NOX4: variants seen among roughly 807,000 people sequenced by gnomAD.
NOX4 encodes kidney oxidase-1.
In NOX4, 69 loss-of-function variants were observed where a neutral mutation model predicts 87.6. That is an observed-to-expected ratio of 0.79 (90% CI 0.65 to 0.96). NOX4 has a LOEUF of 0.96. NOX4 is among the 40% of genes least tolerant of loss of function. The pLI, the probability that NOX4 is intolerant of heterozygous loss-of-function variation, is 0.00. For synonymous variants in NOX4, 275 were observed against 238.2 expected (o/e 1.15, Z -1.42); for missense variants, 680 against 681.5 (o/e 1.00, Z 0.02).
chr11:89,486,735 T>C (rs916192189), intron 2 of NOX4, among the ~76,000 whole-genome samples: 4 of 149,752 alleles, frequency 2.7e-5, no homozygotes, highest in Non-Finnish European at 4.4e-5. Context: ...TATGTATATT[T>C]TTTTTATTTT....
At chr11:89,566,291 C>G in the NOX4 span, among the ~76,000 whole-genome samples, 6 of 152,116 alleles carry the variant, frequency 3.9e-5, no homozygotes, top group African/African-American at 1.4e-4. Flanking sequence ...GCTCCCCGCC[C>G]TTTGCCTCCC....
the NOX4 span, among the ~76,000 whole-genome samples, chr11:89,561,380 G>A: frequency 6.6e-6 from 1 of 151,816 alleles, no homozygotes; most frequent in African/African-American, 2.4e-5. Context: ...TCACCATTTG[G>A]TCAGAAAATT....
chr11:89,502,739 T>C (rs1418691643), upstream of NOX4, among the ~76,000 whole-genome samples: 1 of 152,076 alleles, frequency 6.6e-6, no homozygotes, highest in Non-Finnish European at 1.5e-5. Context: ...CATATTAACA[T>C]GCTAAATGTT....
At chr11:89,346,897 T>A (rs185703664) in intron 13 of NOX4, among the ~76,000 whole-genome samples, 1 of 152,144 alleles carries the variant, frequency 6.6e-6, no homozygotes, top group Non-Finnish European at 1.5e-5. Flanking sequence ...GGGGTTGGGA[T>A]CCACTACCTG....
chr11:89,536,202 A>AGT, the NOX4 span, among the ~76,000 whole-genome samples: 1 of 123,138 alleles, frequency 8.1e-6, no homozygotes, highest in Non-Finnish European at 1.6e-5. Context: ...GCTGGTGTGC[A>AGT]GTGGCGCGAT....
chr11:89,459,747 C>T (rs1234421806), intron 2 of NOX4, among the ~76,000 whole-genome samples: 1 of 152,104 alleles, frequency 6.6e-6, no homozygotes, highest in Non-Finnish European at 1.5e-5. Flanking sequence ...AGGTAATTTA[C>T]AGATTCACTG....
intron 3 of NOX4, among the ~76,000 whole-genome samples, chr11:89,450,348 T>C (rs954177749): frequency 6.6e-6 from 1 of 152,200 alleles, no homozygotes; most frequent in Admixed American, 6.5e-5. Flanking sequence ...AACATCAAAG[T>C]GATCTCAAGT....
the NOX4 span, among the ~76,000 whole-genome samples, chr11:89,568,106 G>A: frequency 6.6e-6 from 1 of 152,128 alleles, no homozygotes; most frequent in East Asian, 1.9e-4. Flanking sequence ...CACACCTTAT[G>A]GATAGAGCAT....
At chr11:89,552,048 C>T in the NOX4 span, among the ~76,000 whole-genome samples, 1 of 152,122 alleles carries the variant, frequency 6.6e-6, no homozygotes, top group African/African-American at 2.4e-5. Context: ...CTTATTTTTA[C>T]CATGAGTAAC....
chr11:89,523,586 T>A, the NOX4 span, among the ~76,000 whole-genome samples: 1 of 152,152 alleles, frequency 6.6e-6, no homozygotes, highest in Non-Finnish European at 1.5e-5. Context: ...AGAAATTGAA[T>A]TAAAAGAGAT....
chr11:89,476,050 C>T (rs927716879), intron 2 of NOX4, among the ~76,000 whole-genome samples: 2 of 152,152 alleles, frequency 1.3e-5, no homozygotes, highest in African/African-American at 4.8e-5. Context: ...CACTCATATT[C>T]CATCTCACAA....
the NOX4 span, among the ~76,000 whole-genome samples, chr11:89,582,835 T>A: frequency 2.0e-5 from 3 of 152,294 alleles, no homozygotes; most frequent in African/African-American, 7.2e-5. Flanking sequence ...TCAAACCTCC[T>A]TATCAGGACA....
At chr11:89,427,248 C>T (rs319043) in intron 7 of NOX4, among the ~76,000 whole-genome samples, 88,417 of 151,912 alleles carry the variant, frequency 0.58, 28,028 homozygotes, top group African/African-American at 0.84. Flanking sequence ...AGACCAAAGA[C>T]AGATAAAACC....
At chr11:89,348,211 TCAAGACTAGCCTGGC>T (rs538436243) in intron 13 of NOX4, among the ~76,000 whole-genome samples, 67 of 152,126 alleles carry the variant, frequency 4.4e-4, no homozygotes, top group African/African-American at 1.5e-3. Flanking sequence ...AATCAGGAGT[TCAAGACTAGCCTGGC>T]CAATATGGTG....
At chr11:89,442,862 AAG>A (rs1399922601) in intron 5 of NOX4, among the ~76,000 whole-genome samples, 1 of 152,202 alleles carries the variant, frequency 6.6e-6, no homozygotes, top group Non-Finnish European at 1.5e-5. Context: ...GAATTCTGAA[AAG>A]AGAAGAAAAG....
chr11:89,444,113 T>C (rs747268681), intron 5 of NOX4, 22 bp downstream of exon 5: 3 of 1,603,730 alleles, frequency 1.9e-6, no homozygotes, highest in Middle Eastern at 1.7e-4. Context: ...GAAAGAAAAA[T>C]GGGAAGACAG....
intron 13 of NOX4, among the ~76,000 whole-genome samples, chr11:89,348,207 G>A (rs1300708043): frequency 6.6e-6 from 1 of 152,098 alleles, no homozygotes; most frequent in African/African-American, 2.4e-5. Flanking sequence ...CCAGAATCAG[G>A]AGTTCAAGAC....
At chr11:89,422,864 A>G (rs982161099) in intron 7 of NOX4, among the ~76,000 whole-genome samples, 7 of 145,510 alleles carry the variant, frequency 4.8e-5, no homozygotes, top group African/African-American at 1.8e-4. Flanking sequence ...CAGTGGTGCA[A>G]TCTCAGCTCA....
chr11:89,576,271 T>C, the NOX4 span, among the ~76,000 whole-genome samples: 6 of 152,216 alleles, frequency 3.9e-5, no homozygotes, highest in African/African-American at 1.4e-4. Context: ...AAGTCCCTGA[T>C]GTCATGTGAG....
Sources: gnomAD v4.1 joint callset for allele counts (sites outside exome capture counted in the v4.1 genomes callset) on GRCh38, gnomAD v4.1.1 for gene constraint, MANE v1.5 for transcripts, NCBI Gene and HGNC (gene_info 2026-07-23, HGNC 2026-07-21) for gene names.